The following VPS13B variants were observed in gnomAD, a reference collection of about 807,000 sequenced individuals.
The protein encoded by VPS13B is intermembrane lipid transfer protein VPS13B.
A neutral mutation model predicts 426.4 loss-of-function variants in VPS13B; 285 were observed. The observed-to-expected ratio is 0.67, with a 90% CI of 0.61 to 0.74. VPS13B has a LOEUF of 0.74. Ranked by LOEUF, VPS13B falls within the 30% of genes least tolerant of loss-of-function variation. The probability of loss-of-function intolerance (pLI) is 0.00; values close to 1 mark genes in which losing one functional copy is unlikely to be tolerated. For missense variants in VPS13B, 4,537 were observed against 4,782.6 expected, an observed-to-expected ratio of 0.95 and a Z score of 1.51; for synonymous variants, 1,676 against 1,676.4, an observed-to-expected ratio of 1.00 and a Z score of 0.01.
At chr8:99,403,721 A>G (rs1815176772) in intron 21 of VPS13B, among the ~76,000 whole-genome samples, 1 of 152,144 alleles carries the variant, frequency 6.6e-6, no homozygotes, top group Non-Finnish European at 1.5e-5. Context: ...ATGAGATATA[A>G]TGCCAGAAAA....
chr8:99,083,352 T>A lies in VPS13B; in HGVS notation c.292-12960T>A, dbSNP rs1286154514. Among the ~76,000 whole-genome samples the A allele has an allele frequency of 4.6e-5, 7 of 152,180 alleles. No individual in the cohort carries two copies. The East Asian group carries it at 1.3e-3, about 29-fold the overall frequency. On this transcript the variant is annotated intron_variant, in intron 3 of 61. Coordinates refer to ENST00000357162, the MANE Select transcript of VPS13B (RefSeq NM_152564.5). ...AAGTTGCCTATCAGCTTAAGGAGAT[T>A]TTGGGTGAGACGATGGGGTTTTCTA...
chr8:99,627,045 G>A (rs1406778261), intron 33 of VPS13B, among the ~76,000 whole-genome samples: 1 of 152,162 alleles, frequency 6.6e-6, no homozygotes, highest in Non-Finnish European at 1.5e-5. Context: ...GATCTCACAT[G>A]TGAAATCTAA....
At chr8:99,692,277 G>C (rs1831711109) in intron 35 of VPS13B, among the ~76,000 whole-genome samples, 1 of 146,946 alleles carries the variant, frequency 6.8e-6, no homozygotes. Flanking sequence ...TTCCAAAATT[G>C]ACCACATAGT....
chr8:99,569,185 A>T (rs191414443), intron 31 of VPS13B, among the ~76,000 whole-genome samples: 1 of 152,200 alleles, frequency 6.6e-6, no homozygotes, highest in East Asian at 1.9e-4. Context: ...AGCCATAATG[A>T]CATACTAAGA....
chr8:99,826,516 CAG>C (rs761594646), intron 51 of VPS13B, among the ~76,000 whole-genome samples: 1 of 152,198 alleles, frequency 6.6e-6, no homozygotes, highest in Non-Finnish European at 1.5e-5. Context: ...CATCTGCAAA[CAG>C]AGACAATTTG....
intron 2 of VPS13B, among the ~76,000 whole-genome samples, chr8:99,028,993 C>G (rs1213698763): frequency 6.6e-6 from 1 of 150,568 alleles, no homozygotes; most frequent in East Asian, 2.0e-4. Flanking sequence ...GGGCGGCTGC[C>G]GGGCGGAGGG....
chr8:99,791,754 G>T (rs949348167), intron 43 of VPS13B, among the ~76,000 whole-genome samples: 3 of 150,496 alleles, frequency 2.0e-5, no homozygotes, highest in African/African-American at 7.4e-5. Context: ...CTACCTGAAG[G>T]CTCTGGAGAC....
chr8:99,808,201 T>A (rs1813502326), intron 43 of VPS13B, among the ~76,000 whole-genome samples: 1 of 152,184 alleles, frequency 6.6e-6, no homozygotes. Flanking sequence ...ATTGTTTGCA[T>A]ATGATATAAA....
chr8:99,154,820 G>A (rs1024066890), intron 14 of VPS13B, among the ~76,000 whole-genome samples: 4 of 151,936 alleles, frequency 2.6e-5, no homozygotes, highest in Non-Finnish European at 5.9e-5. Flanking sequence ...CCAAAGAATG[G>A]TTAACTTACT....
At chr8:99,823,504 C>T (rs903047343) in intron 50 of VPS13B, among the ~76,000 whole-genome samples, 2 of 152,064 alleles carry the variant, frequency 1.3e-5, no homozygotes, top group Non-Finnish European at 2.9e-5. Flanking sequence ...AGATGAGTGG[C>T]ATTTATTTAC....
At chr8:99,364,590 G>GT (rs1563689616) in intron 19 of VPS13B, among the ~76,000 whole-genome samples, 24 of 152,100 alleles carry the variant, frequency 1.6e-4, no homozygotes, top group African/African-American at 4.8e-4. Context: ...GTGCTACCAT[G>GT]CACAACTAAT....
intron 23 of VPS13B, among the ~76,000 whole-genome samples, chr8:99,449,063 ATTAG>A (rs893130779): frequency 6.6e-6 from 1 of 152,182 alleles, no homozygotes; most frequent in African/African-American, 2.4e-5. Flanking sequence ...TGGAGTCAAG[ATTAG>A]TTAAATATTC....
At chr8:99,619,029 A>G (rs746290402) in intron 33 of VPS13B, among the ~76,000 whole-genome samples, 1 of 152,036 alleles carries the variant, frequency 6.6e-6, no homozygotes, top group Non-Finnish European at 1.5e-5. Context: ...TGGCTATAAT[A>G]GTTCCTATGT....
intron 30 of VPS13B, among the ~76,000 whole-genome samples, chr8:99,522,179 G>A (rs1463468867): frequency 6.6e-6 from 1 of 152,086 alleles, no homozygotes; most frequent in Non-Finnish European, 1.5e-5. Context: ...AGGATCTAGG[G>A]AAATGATTAT....
intron 26 of VPS13B, among the ~76,000 whole-genome samples, 161 bp from the exon 27 acceptor site, chr8:99,502,675 A>T (rs779622750): frequency 1.5e-4 from 23 of 152,340 alleles, no homozygotes; most frequent in Non-Finnish European, 3.2e-4. Context: ...TTATCTTAAT[A>T]AACAGGCCTA....
intron 23 of VPS13B, among the ~76,000 whole-genome samples, chr8:99,447,492 T>C (rs1217742465): frequency 1.3e-5 from 2 of 152,314 alleles, no homozygotes; most frequent in East Asian, 3.9e-4. Context: ...AGCTTCAGGC[T>C]TTATCTTCAG....
At chr8:99,404,441 A>G (rs1052877080) in intron 21 of VPS13B, among the ~76,000 whole-genome samples, 1 of 152,202 alleles carries the variant, frequency 6.6e-6, no homozygotes, top group Non-Finnish European at 1.5e-5. Context: ...GCAATTTTGT[A>G]TGCCATGTCA....
chr8:99,416,012 C>T (rs1815980086), intron 21 of VPS13B, among the ~76,000 whole-genome samples: 1 of 152,334 alleles, frequency 6.6e-6, no homozygotes, highest in East Asian at 1.9e-4. Context: ...ATGCTGCGCC[C>T]ACAGCCGCAC....
rs555233974 is a variant in VPS13B at position 99,661,164 on chromosome 8, T to C, written c.5909-190T>C. 7.2e-5 allele frequency among the ~76,000 whole-genome samples: 11 copies of C among 152,236 alleles called. 1 individual carries two copies. Among genetic ancestry groups the C allele is most frequent in the African/African-American group, 2.6e-4 (11 of 41,564 alleles). The stretch of plus-strand genomic sequence containing the variant: ...GAAAACATGGTTTTGTCATCCCACA[T>C]TGTACAGTGATAGTTTATCTTTTTC... On this transcript the variant is annotated intron_variant, in intron 34 of 61. Coordinates refer to ENST00000357162, the MANE Select transcript of VPS13B (RefSeq NM_152564.5).
Sources: allele counts gnomAD v4.1 joint callset (sites outside exome capture counted in the v4.1 genomes callset), GRCh38; gene constraint gnomAD v4.1.1; transcripts MANE v1.5; gene names NCBI Gene and HGNC (gene_info 2026-07-23, HGNC 2026-07-21).